Variants in CSGALNACT1 observed in about 807,000 individuals in gnomAD.
CSGALNACT1 encodes beta4GalNAcT-1.
A neutral mutation model predicts 51.0 loss-of-function variants in CSGALNACT1; 52 were observed. The ratio of observed to expected loss-of-function variants is 1.02; its 90% confidence interval spans 0.82 to 1.29. The LOEUF (loss-of-function observed/expected upper bound fraction) is 1.29. CSGALNACT1 is among the 50% of genes most tolerant of loss of function. CSGALNACT1 has a pLI of 0.00. For synonymous variants in CSGALNACT1, 341 were observed against 254.4 expected (o/e 1.34, Z -3.24); for missense variants, 935 against 679.2 (o/e 1.38, Z -4.19).
At chr8:19,423,062 C>G (rs1563318509) in intron 6 of CSGALNACT1, among the ~76,000 whole-genome samples, 1 of 152,132 alleles carries the variant, frequency 6.6e-6, no homozygotes, top group Non-Finnish European at 1.5e-5. Context: ...CAGGTTGCAC[C>G]TGACTCATAA....
rs35145827 is a variant in CSGALNACT1, at chr8:19,620,314, CAAAAA to C, written c.-543-18454_-543-18450del. 2.2e-3 allele frequency among the ~76,000 whole-genome samples: 145 copies of C among 64,742 alleles called. 1 individual carries two copies. The highest frequency in any genetic ancestry group is 8.4e-3 in the African/African-American group (131 of 15,580). The allele number at this position is 64,742 out of a possible 152,430, so 42.5% of individuals were successfully genotyped here. A position where few individuals can be genotyped will look rare whatever the true frequency, so the allele number is the denominator to read the frequency against. On this transcript the variant is annotated intron_variant, in intron 1 of 9. Transcript: ENST00000332246. The stretch of plus-strand genomic sequence containing the variant: ...TGGGCAACAGAGTGAGACTCTGTCT[CAAAAA>C]AAAAAAAAAAAAAAAAAAAAGTGCG...
At chr8:19,690,670 C>T (rs2061255227) in intron 1 of CSGALNACT1, among the ~76,000 whole-genome samples, 1 of 152,190 alleles carries the variant, frequency 6.6e-6, no homozygotes, top group Non-Finnish European at 1.5e-5. Context: ...TTCACATTTG[C>T]AGTTTGCAGA....
intron 1 of CSGALNACT1, among the ~76,000 whole-genome samples, chr8:19,651,237 T>C (rs1456667732): frequency 6.6e-6 from 1 of 152,206 alleles, no homozygotes; most frequent in Non-Finnish European, 1.5e-5. Flanking sequence ...ATAATACCTT[T>C]CCTGTTTTTT....
intron 1 of CSGALNACT1, among the ~76,000 whole-genome samples, chr8:19,693,127 T>C (rs1374563760): frequency 1.3e-5 from 2 of 152,136 alleles, no homozygotes; most frequent in African/African-American, 4.8e-5. Context: ...ACCTGCAAAC[T>C]ACCTTTTCCA....
chr8:19,514,844 A>C (rs2079214566), intron 3 of CSGALNACT1, among the ~76,000 whole-genome samples: 2 of 152,094 alleles, frequency 1.3e-5, no homozygotes, highest in Non-Finnish European at 2.9e-5. Context: ...AAAAGAAAAT[A>C]AAAATAAAAT....
intron 3 of CSGALNACT1, among the ~76,000 whole-genome samples, chr8:19,554,214 G>A (rs1046210725): frequency 3.9e-5 from 6 of 152,296 alleles, no homozygotes; most frequent in African/African-American, 1.4e-4. Context: ...ATCTGCAAGG[G>A]AAGGAGAGTG....
intron 6 of CSGALNACT1, among the ~76,000 whole-genome samples, chr8:19,424,571 T>C (rs2058483008): frequency 1.3e-5 from 2 of 152,196 alleles, no homozygotes; most frequent in Admixed American, 1.3e-4. Context: ...CCTCCTCATC[T>C]GAAACTTACC....
At chr8:19,699,121 T>G (rs1422197369) in intron 1 of CSGALNACT1, among the ~76,000 whole-genome samples, 1 of 152,236 alleles carries the variant, frequency 6.6e-6, no homozygotes, top group Non-Finnish European at 1.5e-5. Flanking sequence ...GCAATCTGCC[T>G]GCCTTTGCCT....
chr8:19,632,347 C>T (rs1028011109), intron 1 of CSGALNACT1, among the ~76,000 whole-genome samples: 5 of 152,356 alleles, frequency 3.3e-5, no homozygotes, highest in South Asian at 2.1e-4. Flanking sequence ...TAAAAACAAG[C>T]GCTTTCTCAA....
intron 1 of CSGALNACT1, among the ~76,000 whole-genome samples, chr8:19,701,748 A>G (rs900510559): frequency 1.1e-4 from 17 of 152,204 alleles, no homozygotes; most frequent in African/African-American, 4.1e-4. Flanking sequence ...GAAGCCCAGA[A>G]AGTTTAAGTA....
intron 4 of CSGALNACT1, among the ~76,000 whole-genome samples, chr8:19,483,720 T>C (rs892245367): frequency 2.6e-5 from 4 of 152,222 alleles, no homozygotes; most frequent in Non-Finnish European, 4.4e-5. Context: ...TGTTTACTCA[T>C]CTGTGCAGCC....
chr8:19,455,591 G>A (rs1389299403), intron 5 of CSGALNACT1, among the ~76,000 whole-genome samples: 2 of 151,998 alleles, frequency 1.3e-5, no homozygotes. Flanking sequence ...CCCTTCTTTG[G>A]GTTTGAAATG....
intron 2 of CSGALNACT1, among the ~76,000 whole-genome samples, chr8:19,596,341 G>A (rs944014931): frequency 6.6e-6 from 1 of 152,120 alleles, no homozygotes; most frequent in African/African-American, 2.4e-5. Context: ...TTAGTGTGAT[G>A]AGGGGGAAAA....
At chr8:19,689,511 T>C (rs1468772111) in intron 1 of CSGALNACT1, among the ~76,000 whole-genome samples, 1 of 152,190 alleles carries the variant, frequency 6.6e-6, no homozygotes, top group African/African-American at 2.4e-5. Flanking sequence ...AGCCACTGTT[T>C]TGAAGAGGTT....
chr8:19,506,639 G>A (rs1222570467), intron 3 of CSGALNACT1, among the ~76,000 whole-genome samples: 1 of 152,172 alleles, frequency 6.6e-6, no homozygotes, highest in Non-Finnish European at 1.5e-5. Context: ...GGATCCCTCA[G>A]GCATAGCTTA....
intron 1 of CSGALNACT1, among the ~76,000 whole-genome samples, chr8:19,609,510 C>T (rs910967917): frequency 6.6e-6 from 1 of 151,666 alleles, no homozygotes; most frequent in Non-Finnish European, 1.5e-5. Context: ...GAATACTCAG[C>T]AATAAAAAGG....
At chr8:19,643,007 C>G (rs1410206640) in intron 1 of CSGALNACT1, among the ~76,000 whole-genome samples, 1 of 151,948 alleles carries the variant, frequency 6.6e-6, no homozygotes, top group Non-Finnish European at 1.5e-5. Flanking sequence ...AAATTGTGAC[C>G]AACCTTCTGG....
At chr8:19,410,691 G>C (rs984898947) in intron 8 of CSGALNACT1, among the ~76,000 whole-genome samples, 3 of 152,254 alleles carry the variant, frequency 2.0e-5, no homozygotes, top group African/African-American at 7.2e-5. Flanking sequence ...CAGCGTGATG[G>C]AGGCAGTCTG....
chr8:19,542,030 A>T (rs2085305439), intron 3 of CSGALNACT1, among the ~76,000 whole-genome samples: 1 of 152,208 alleles, frequency 6.6e-6, no homozygotes, highest in African/African-American at 2.4e-5. Flanking sequence ...TGGCATGGAT[A>T]GATCTTATGA....
Sources: allele counts gnomAD v4.1 joint callset (sites outside exome capture counted in the v4.1 genomes callset), GRCh38; gene constraint gnomAD v4.1.1; transcripts MANE v1.5; gene names NCBI Gene and HGNC (gene_info 2026-07-23, HGNC 2026-07-21).